Variants in RNF149 observed in about 807,000 individuals in gnomAD.
The protein encoded by RNF149 is E3 ubiquitin-protein ligase RNF149.
RNF149 carries 21 observed loss-of-function variants against 39.0 expected under a neutral mutation model. That is an observed-to-expected ratio of 0.54 (90% CI 0.38 to 0.77). The LOEUF (loss-of-function observed/expected upper bound fraction) is 0.77, where lower values mean the gene tolerates loss of function less well. Among genes scored for constraint, RNF149 ranks in the 30% least tolerant of loss-of-function variants. The probability of loss-of-function intolerance (pLI) is 0.00; values close to 1 mark genes in which losing one functional copy is unlikely to be tolerated. For missense variants in RNF149, 493 were observed against 534.9 expected (o/e 0.92, Z 0.77); for synonymous variants, 209 against 213.6 (o/e 0.98, Z 0.19).
At position 101,277,038 on chromosome 2, in the gene RNF149, T is replaced by G. The variant is rs1474622410; in HGVS notation, c.*200A>C. 1.5e-6 allele frequency: 2 copies of G among 1,335,250 alleles called. No homozygotes were observed. The highest frequency in any genetic ancestry group is 3.0e-5 in the African/African-American group (2 of 67,110). The allele number at this position is 1,335,250 out of a possible 1,614,324, so 82.7% of individuals were successfully genotyped here. ...GTTCATGGTAAACACTCTATTTTAG[T>G]AGATAAATATATGAGGACTAATCGA... On this transcript the variant is annotated 3_prime_UTR_variant, in exon 7 of 7. Transcript: ENST00000295317.
At chr2:101,273,426 G>T, downstream of RNF149, 1 of 443,180 alleles carries the variant, frequency 2.3e-6, no homozygotes, top group Admixed American at 2.7e-5. Context: ...CCAATTCTCT[G>T]CATCTTATCA....
chr2:101,308,295 C>G lies in RNF149; in HGVS notation c.294G>C (p.Val98=). 1 of 1,580,470 alleles carries G rather than the reference C, an allele frequency of 6.3e-7. No homozygotes were observed. Among genetic ancestry groups the G allele is most frequent in the Non-Finnish European group, 8.6e-7 (1 of 1,166,246 alleles). Residue 98 remains valine (V), a synonymous_variant, in exon 1 of 7, where the codon GTG becomes GTC. Transcript: ENST00000295317. ...CGGCCCCTCGGCCGCCGGGCTCGGGCACGAAGAAGCGCGTGTCGGGCGCGC... is the reference window on the plus strand; with the variant it reads ...CGGCCCCTCGGCCGCCGGGCTCGGGGACGAAGAAGCGCGTGTCGGGCGCGC... The part of the protein sequence containing the change: ...EGCAPDTRFF[V]PEPGGRGAAP...
At chr2:101,286,204 T>C (rs748437446) in intron 4 of RNF149, 27 bp from the exon 5 acceptor site, 2 of 1,308,372 alleles carry the variant, frequency 1.5e-6, no homozygotes, top group South Asian at 1.2e-5. Flanking sequence ...TGTGTTAATG[T>C]TTTTAAAATC....
chr2:101,272,808 G>T, downstream of RNF149: 2 of 474,936 alleles, frequency 4.2e-6, no homozygotes, highest in Non-Finnish European at 7.3e-6. Flanking sequence ...TGGTTACATT[G>T]GGTATTTCAT....
At chr2:101,273,384 T>C (rs1160111916), downstream of RNF149, 11 of 470,356 alleles carry the variant, frequency 2.3e-5, no homozygotes, top group Admixed American at 2.6e-4. Context: ...GTAAATAATA[T>C]AACAATGAAA....
chr2:101,278,556 T>C (rs1353095313), intron 6 of RNF149, among the ~76,000 whole-genome samples: 1 of 152,190 alleles, frequency 6.6e-6, no homozygotes, highest in Non-Finnish European at 1.5e-5. Context: ...ACTGTTTAAA[T>C]TGACAAAAAC....
chr2:101,292,466 C>T (rs1028425799), intron 3 of RNF149, among the ~76,000 whole-genome samples: 3 of 152,174 alleles, frequency 2.0e-5, no homozygotes, highest in African/African-American at 7.2e-5. Flanking sequence ...TCTTCTCATA[C>T]TTAAGAACTG....
Position 101,281,938 on chromosome 2 carries a change from T to G in RNF149, c.1080A>C (p.Pro360=). Residue 360 remains proline (P), a synonymous_variant, in exon 6 of 7, where the codon CCA becomes CCC. Transcript: ENST00000295317. ...DDDGSDDSSP[P]SASPAESEPQ... is the part of the protein sequence containing the mutation. ...GCTCAGATTCAGCAGGGGAGGCTGA[T>G]GGTGGACTGCTGTCATCACTTCCGT... 1 of 1,613,898 alleles carries G rather than the reference T, an allele frequency of 6.2e-7. No homozygotes were observed. Among genetic ancestry groups the G allele is most frequent in the South Asian group, 1.1e-5 (1 of 91,072 alleles).
At position 101,275,755 on chromosome 2, in the gene RNF149, T is replaced by G. The variant is rs1400919261; in HGVS notation, c.*1483A>C. 1 of 978,572 alleles carries G rather than the reference T, an allele frequency of 1.0e-6. No homozygotes were observed. The highest frequency in any genetic ancestry group is 1.7e-5 in the African/African-American group (1 of 57,164). 60.6% of individuals were successfully genotyped at this position (978,572 alleles called of 1,614,324 possible). ...CGCGCCCGGCCCTCCTAGTATTTCT[T>G]AAAGACAAAGAGCAAACAATCTACT... is the stretch of plus-strand genomic sequence containing the variant. On this transcript the variant is annotated 3_prime_UTR_variant, in exon 7 of 7. Transcript: ENST00000295317.
Position 101,308,690 on chromosome 2 carries a change from T to G in RNF149, c.-102A>C. The stretch of plus-strand genomic sequence containing the variant: ...GACACCCACCGCCGCCCTGGAAGAC[T>G]GAGGCGGGGTCGGGGCCGCTGCGCA... On this transcript the variant is annotated 5_prime_UTR_variant, in exon 1 of 7. Coordinates refer to ENST00000295317, the MANE Select transcript of RNF149 (RefSeq NM_173647.4). The G allele has an allele frequency of 8.9e-7, 1 of 1,122,020 alleles. No individual in the cohort carries two copies. The highest frequency in any genetic ancestry group is 1.2e-6 in the Non-Finnish European group (1 of 832,062). The allele number at this position is 1,122,020 out of a possible 1,614,324, so 69.5% of individuals were successfully genotyped here. A position where few individuals can be genotyped will look rare whatever the true frequency, so the allele number is the denominator to read the frequency against.
intron 3 of RNF149, among the ~76,000 whole-genome samples, chr2:101,289,585 G>C (rs909653096): frequency 4.6e-5 from 7 of 151,626 alleles, no homozygotes; most frequent in Non-Finnish European, 1.0e-4. Flanking sequence ...CGTGCCTGTA[G>C]TCCCAGCTAC....
downstream of RNF149, among the ~76,000 whole-genome samples, chr2:101,274,708 C>T (rs1682263445): frequency 2.6e-5 from 4 of 152,386 alleles, no homozygotes; most frequent in South Asian, 8.3e-4. Flanking sequence ...GCAAAGCTCA[C>T]AGCCTTCTTT....
chr2:101,304,255 G>A (rs1382650976), intron 1 of RNF149, among the ~76,000 whole-genome samples: 1 of 152,100 alleles, frequency 6.6e-6, no homozygotes, highest in African/African-American at 2.4e-5. Context: ...AAATTAGCCA[G>A]ACACGGTGGC....
intron 1 of RNF149, among the ~76,000 whole-genome samples, chr2:101,305,841 A>C (rs542652060): frequency 6.6e-6 from 1 of 152,296 alleles, no homozygotes; most frequent in South Asian, 2.1e-4. Flanking sequence ...CCTCATCTGT[A>C]TGTACTCCGT....
At position 101,286,104 on chromosome 2, in the gene RNF149, C is replaced by G; in HGVS notation, c.937G>C (p.Val313Leu). The stretch of plus-strand genomic sequence containing the variant: ...ACCCAATATCCTAGGGCTTTGATGA[C>G]ATCAAGTTTACACATTGGACATGTT... ...HRTCPMCKLD[V>L]IKALGYWGEP... Residue 313 changes from valine (V) to leucine (L), a missense_variant, in exon 5 of 7, where the codon GTC becomes CTC. Val to Leu is a conservative substitution (Grantham distance 32). Coordinates refer to ENST00000295317, the MANE Select transcript of RNF149 (RefSeq NM_173647.4). 6.2e-7 allele frequency: 1 copy of G among 1,610,408 alleles called. No homozygotes were observed. Among genetic ancestry groups the G allele is most frequent in the Non-Finnish European group, 8.5e-7 (1 of 1,176,812 alleles).
intron 1 of RNF149, among the ~76,000 whole-genome samples, chr2:101,303,058 T>TA (rs1683515561): frequency 1.3e-5 from 2 of 151,868 alleles, no homozygotes; most frequent in African/African-American, 4.8e-5. Flanking sequence ...GTGTCCTAGC[T>TA]AATCCCACCC....
At chr2:101,294,741 T>C in intron 2 of RNF149, 190 bp downstream of exon 2, 1 of 578,978 alleles carries the variant, frequency 1.7e-6, no homozygotes, top group Non-Finnish European at 3.0e-6. Flanking sequence ...CTTAAAGGTA[T>C]CTAATTTCCC....
chr2:101,287,406 T>C (rs1410076677), intron 4 of RNF149, among the ~76,000 whole-genome samples: 1 of 152,206 alleles, frequency 6.6e-6, no homozygotes, highest in African/African-American at 2.4e-5. Context: ...GGAAATTTGT[T>C]ACAGAAATAA....
intron 1 of RNF149, 45 bp from the exon 2 acceptor site, chr2:101,295,226 G>C: frequency 6.6e-7 from 1 of 1,517,814 alleles, no homozygotes; most frequent in Non-Finnish European, 9.1e-7. Flanking sequence ...CACAAAATAA[G>C]ATACAGAGAA....
Sources: gnomAD v4.1 joint callset for allele counts (sites outside exome capture counted in the v4.1 genomes callset) on GRCh38, gnomAD v4.1.1 for gene constraint, MANE v1.5 for transcripts, NCBI Gene and HGNC (gene_info 2026-07-23, HGNC 2026-07-21) for gene names.